The following ERP44 variants were observed in gnomAD, a reference collection of about 807,000 sequenced individuals.
ERP44 encodes endoplasmic reticulum protein 44, also known as endoplasmic reticulum resident protein 44.
Under a neutral mutation model 53.4 loss-of-function variants are expected in ERP44, and 25 were observed. That is an observed-to-expected ratio of 0.47 (90% CI 0.34 to 0.65). The LOEUF (loss-of-function observed/expected upper bound fraction) is 0.65. Ranked by LOEUF, ERP44 falls within the 30% of genes least tolerant of loss-of-function variation. The pLI, the probability that ERP44 is intolerant of heterozygous loss-of-function variation, is 0.01. For synonymous variants in ERP44, 145 were observed against 161.2 expected, an observed-to-expected ratio of 0.90 and a Z score of 0.76; for missense variants, 338 against 493.2, an observed-to-expected ratio of 0.69 and a Z score of 2.98.
intron 1 of ERP44, among the ~76,000 whole-genome samples, chr9:100,095,154 A>G (rs1434209958): frequency 6.6e-6 from 1 of 152,124 alleles, no homozygotes; most frequent in Non-Finnish European, 1.5e-5. Flanking sequence ...TAAATGAAAC[A>G]AATGAACCTA....
In ERP44 at chr9:100,075,120, C is replaced by T. The variant is rs553286733; in HGVS notation, c.58-14948G>A. 3.9e-5 allele frequency among the ~76,000 whole-genome samples: 6 copies of T among 152,190 alleles called. No homozygotes were observed. In the South Asian group the frequency reaches 1.0e-3, roughly 26 times the overall value. ...GTGTCACCATCAAGGACTTGAAAGA[C>T]GCAAGGGTGGTGATTCCCAGCACAT... On this transcript the variant is annotated intron_variant, in intron 1 of 11. Transcript: ENST00000262455.
intron 10 of ERP44, among the ~76,000 whole-genome samples, chr9:99,988,488 T>C (rs1334213940): frequency 6.6e-6 from 1 of 152,206 alleles, no homozygotes; most frequent in Non-Finnish European, 1.5e-5. Context: ...TCTAGCACCA[T>C]CTCTTGAAAA....
chr9:99,987,950 C>A (rs1180459162), intron 10 of ERP44, among the ~76,000 whole-genome samples: 2 of 152,192 alleles, frequency 1.3e-5, no homozygotes. Context: ...AATACTGCTA[C>A]AAACATTTGT....
At chr9:100,084,250 C>T (rs1384712148) in intron 1 of ERP44, among the ~76,000 whole-genome samples, 2 of 152,190 alleles carry the variant, frequency 1.3e-5, no homozygotes, top group Admixed American at 6.5e-5. Flanking sequence ...ATCTTTCTAA[C>T]TACAAACTTA....
intron 10 of ERP44, among the ~76,000 whole-genome samples, chr9:99,986,521 T>C (rs986714066): frequency 3.3e-5 from 5 of 152,234 alleles, no homozygotes; most frequent in Admixed American, 2.6e-4. Flanking sequence ...GTAGAATTGA[T>C]TGACTTTTAA....
chr9:100,020,305 C>T (rs1308381365), intron 6 of ERP44, among the ~76,000 whole-genome samples: 1 of 152,194 alleles, frequency 6.6e-6, no homozygotes, highest in Admixed American at 6.5e-5. Context: ...GGTTACCCCA[C>T]AGATTAGCAT....
At chr9:100,093,585 G>A (rs1826587205) in intron 1 of ERP44, among the ~76,000 whole-genome samples, 1 of 152,116 alleles carries the variant, frequency 6.6e-6, no homozygotes, top group African/African-American at 2.4e-5. Flanking sequence ...TGAGGCTACA[G>A]TGAGCCAAGA....
At chr9:99,991,229 C>T (rs1202167690) in intron 10 of ERP44, among the ~76,000 whole-genome samples, 14 of 152,336 alleles carry the variant, frequency 9.2e-5, no homozygotes, top group Middle Eastern at 3.4e-3. Context: ...CTCAGCACCA[C>T]ATCACACTTA....
At chr9:100,056,376 C>A (rs1446217416) in intron 3 of ERP44, among the ~76,000 whole-genome samples, 2 of 152,192 alleles carry the variant, frequency 1.3e-5, no homozygotes, top group Non-Finnish European at 2.9e-5. Flanking sequence ...TTTAAATAAT[C>A]ATACCATATA....
chr9:100,002,589 C>G (rs781460356), intron 10 of ERP44, among the ~76,000 whole-genome samples: 5 of 152,204 alleles, frequency 3.3e-5, no homozygotes, highest in Non-Finnish European at 5.9e-5. Flanking sequence ...TCATCCCACT[C>G]TCTCCTGGTC....
At chr9:100,095,320 C>A (rs1168938102) in intron 1 of ERP44, among the ~76,000 whole-genome samples, 1 of 151,840 alleles carries the variant, frequency 6.6e-6, no homozygotes, top group Non-Finnish European at 1.5e-5. Context: ...GTTTCCTAAA[C>A]AAATTATAAG....
intron 4 of ERP44, among the ~76,000 whole-genome samples, chr9:100,049,610 C>A (rs559043540): frequency 6.6e-6 from 1 of 152,168 alleles, no homozygotes; most frequent in South Asian, 2.1e-4. Context: ...AGACTATCCA[C>A]TCCAAGTTTT....
rs1168903331 is a variant in ERP44, at chr9:100,043,291, A to AAAAAAAAAAAAAAAAAAAAG, written c.286+9125_286+9126insCTTTTTTTTTTTTTTTTTTT. ...AAAAAAAAAAAAAAAAAAAAAAAAA[A>AAAAAAAAAAAAAAAAAAAAG]GATAAATAAGACATAGTATTTGCTA... On this transcript the variant is annotated intron_variant, in intron 4 of 11. Coordinates refer to ENST00000262455, the MANE Select transcript of ERP44 (RefSeq NM_015051.3). 5.1e-4 allele frequency among the ~76,000 whole-genome samples: 38 copies of AAAAAAAAAAAAAAAAAAAAG among 74,928 alleles called. 12 individuals carry two copies. The highest frequency in any genetic ancestry group is 5.1e-3 in the East Asian group (9 of 1,780). The allele number at this position is 74,928 out of a possible 152,430, so 49.2% of individuals were successfully genotyped here.
At chr9:100,060,252 T>A in intron 1 of ERP44, 80 bp from the exon 2 acceptor site, 2 of 1,303,850 alleles carry the variant, frequency 1.5e-6, no homozygotes, top group Non-Finnish European at 2.0e-6. Context: ...AAAATAAATG[T>A]GTGATTCCAC....
rs2118593392 is a variant in ERP44, at chr9:99,982,567, G to A, written c.*45C>T. 1.1e-6 allele frequency: 1 copy of A among 932,016 alleles called. No individual in the cohort carries two copies. The highest frequency in any genetic ancestry group is 1.6e-6 in the Non-Finnish European group (1 of 627,822). The allele number at this position is 932,016 out of a possible 1,614,324, so 57.7% of individuals were successfully genotyped here. On this transcript the variant is annotated 3_prime_UTR_variant, in exon 12 of 12. Coordinates refer to ENST00000262455, the MANE Select transcript of ERP44 (RefSeq NM_015051.3). ...ATAGGTTTACTATTTCCACCACGTA[G>A]GTTGATGCTGCTGTTGAAAGGCTTA...
chr9:100,070,788 G>A (rs1056949724), intron 1 of ERP44, among the ~76,000 whole-genome samples: 1 of 152,208 alleles, frequency 6.6e-6, no homozygotes, highest in South Asian at 2.1e-4. Flanking sequence ...GAGGATGCAA[G>A]CTGCCATATC....
At chr9:100,079,704 G>A (rs924558764) in intron 1 of ERP44, among the ~76,000 whole-genome samples, 1 of 152,034 alleles carries the variant, frequency 6.6e-6, no homozygotes, top group Non-Finnish European at 1.5e-5. Context: ...GCACTGCAGA[G>A]GCAGGAGGAT....
At chr9:99,990,160 T>C (rs974216949) in intron 10 of ERP44, among the ~76,000 whole-genome samples, 27 of 151,992 alleles carry the variant, frequency 1.8e-4, no homozygotes, top group Non-Finnish European at 1.5e-5. Context: ...ATTCAGGAAA[T>C]ACAGAGAACA....
At chr9:99,993,326 G>A (rs1284261197) in intron 10 of ERP44, among the ~76,000 whole-genome samples, 3 of 152,106 alleles carry the variant, frequency 2.0e-5, no homozygotes, top group Non-Finnish European at 4.4e-5. Flanking sequence ...ATAGACCAAT[G>A]GAACAGAACA....
Sources: gnomAD v4.1 joint callset for allele counts (sites outside exome capture counted in the v4.1 genomes callset) on GRCh38, gnomAD v4.1.1 for gene constraint, MANE v1.5 for transcripts, NCBI Gene and HGNC (gene_info 2026-07-23, HGNC 2026-07-21) for gene names.